Variants in ABL1 observed in about 807,000 individuals in gnomAD.
The protein encoded by ABL1 is ABL proto-oncogene 1, non-receptor tyrosine kinase, also known as tyrosine-protein kinase ABL1.
ABL1 carries 11 observed loss-of-function variants against 94.7 expected under a neutral mutation model. The ratio of observed to expected loss-of-function variants is 0.12; its 90% CI spans 0.07 to 0.19. ABL1 has a LOEUF of 0.19. ABL1 is among the 10% of genes least tolerant of loss of function. The probability of loss-of-function intolerance (pLI) is 1.00; values close to 1 mark genes in which losing one functional copy is unlikely to be tolerated. For synonymous variants in ABL1, 656 were observed against 622.4 expected, an observed-to-expected ratio of 1.05 and a Z score of -0.80; for missense variants, 1,082 against 1,489.4, an observed-to-expected ratio of 0.73 and a Z score of 4.50.
At chr9:130,855,639 A>C (rs1588269488) in intron 3 of ABL1, among the ~76,000 whole-genome samples, 1 of 152,238 alleles carries the variant, frequency 6.6e-6, no homozygotes, top group East Asian at 1.9e-4. Flanking sequence ...CCAAACCCAA[A>C]GTGTGGTGTT....
intron 1 of ABL1, among the ~76,000 whole-genome samples, chr9:130,717,661 A>G (rs1236739711): frequency 7.0e-6 from 1 of 142,298 alleles, no homozygotes; most frequent in Non-Finnish European, 1.5e-5. Flanking sequence ...CTGGGGGGTA[A>G]AAAAAAAAAA....
intron 10 of ABL1, among the ~76,000 whole-genome samples, chr9:130,881,522 T>G (rs761540206): frequency 2.0e-5 from 3 of 152,178 alleles, no homozygotes; most frequent in Non-Finnish European, 4.4e-5. Context: ...GGAAGTCCGC[T>G]TTATAAAACC....
At chr9:130,837,812 T>G (rs1052740392) in intron 1 of ABL1, among the ~76,000 whole-genome samples, 1 of 152,242 alleles carries the variant, frequency 6.6e-6, no homozygotes, top group African/African-American at 2.4e-5. Flanking sequence ...CTTTCCACTT[T>G]CACTGACAGC....
chr9:130,730,955 T>C (rs543328871), intron 1 of ABL1, among the ~76,000 whole-genome samples: 1 of 152,018 alleles, frequency 6.6e-6, no homozygotes, highest in East Asian at 1.9e-4. Flanking sequence ...TTTCACTCTT[T>C]ATTTACATAA....
chr9:130,725,834 T>TGTTTTG (rs1564269486), intron 1 of ABL1, among the ~76,000 whole-genome samples: 1 of 92,700 alleles, frequency 1.1e-5, no homozygotes, highest in African/African-American at 5.5e-5. Flanking sequence ...GTTTTTTTTT[T>TGTTTTG]TTTTTTTTTT....
chr9:130,865,180 C>G (rs766906351), intron 4 of ABL1, among the ~76,000 whole-genome samples: 23 of 152,128 alleles, frequency 1.5e-4, no homozygotes, highest in Non-Finnish European at 3.2e-4. Context: ...TAATTTTTCC[C>G]AAGAGCCTAA....
chr9:130,835,338 GGCGGGGCCGGGGGCGCCGGGGGGGCGC>G lies in ABL1; in HGVS notation c.-103_-77del. On this transcript the variant is annotated 5_prime_UTR_variant, in exon 1 of 11. Coordinates refer to ENST00000318560, the MANE Select transcript of ABL1 (RefSeq NM_005157.6). The surrounding 1 kb of genome is among the most constrained non-coding windows in gnomAD (Gnocchi z 4.6). ...GCGCGGGGCGGCGGTGAGGGCGGCT[GGCGGGGCCGGGGGCGCCGGGGGGGCGC>G]GCGGGCCGAGCCGGGCCTGAGCCGG... 1 of 297,028 alleles carries G rather than the reference GGCGGGGCCGGGGGCGCCGGGGGGGCGC, an allele frequency of 3.4e-6. No homozygotes were observed. Among genetic ancestry groups the G allele is most frequent in the Non-Finnish European group, 3.8e-6 (1 of 263,014 alleles). The allele number at this position is 297,028 out of a possible 1,614,324, so 18.4% of individuals were successfully genotyped here.
intron 1 of ABL1, among the ~76,000 whole-genome samples, chr9:130,818,854 G>C (rs376289576): frequency 9.9e-5 from 15 of 152,196 alleles, no homozygotes; most frequent in Admixed American, 4.6e-4. Flanking sequence ...TAAAAAGGAA[G>C]ATTCTTTCAC....
At chr9:130,786,697 C>T (rs1172596150) in intron 1 of ABL1, among the ~76,000 whole-genome samples, 1 of 152,168 alleles carries the variant, frequency 6.6e-6, no homozygotes, top group Non-Finnish European at 1.5e-5. Context: ...TTTCCTCCTC[C>T]TTCCCTAGTG....
rs1830568155 is a variant in ABL1 at position 130,835,751 on chromosome 9, T to TTTTGTC, written c.79+229_79+230insGTCTTT. ...CTTTTCTCTTCTCTTGTCTCTCTCT[T>TTTTGTC]TTTCTCTCTCTCTGTCTCTTTCTCT... On this transcript the variant is annotated intron_variant, in intron 1 of 10. Transcript: ENST00000318560. This position sits in a 1 kb window ranked among gnomAD's most constrained non-coding sequence, Gnocchi z 4.6. Among the ~76,000 whole-genome samples the TTTTGTC allele has an allele frequency of 6.6e-6, 1 of 151,664 alleles. No individual in the cohort carries two copies. Among genetic ancestry groups the TTTTGTC allele is most frequent in the African/African-American group, 2.4e-5 (1 of 41,238 alleles).
intron 4 of ABL1, among the ~76,000 whole-genome samples, chr9:130,870,551 G>C (rs988602144): frequency 6.6e-6 from 1 of 152,178 alleles, no homozygotes; most frequent in Non-Finnish European, 1.5e-5. Flanking sequence ...GGCGTTCACT[G>C]TCCAGCCTTT....
At chr9:130,750,410 TCC>T (rs1831946027) in intron 1 of ABL1, among the ~76,000 whole-genome samples, 1 of 14,538 alleles carries the variant, frequency 6.9e-5, no homozygotes, top group African/African-American at 2.3e-4. Context: ...CCTCCCTCCC[TCC>T]CTCCCTCCCT....
chr9:130,756,737 T>C lies in ABL1; in HGVS notation c.136+42282T>C, dbSNP rs566072746. Reference sequence around the variant, plus strand: ...ACAGCGTCAGCCTGACACTGGCCTTTGCAGCATCAGCCTTGGTTGACTGTG... The same window carrying C: ...ACAGCGTCAGCCTGACACTGGCCTTCGCAGCATCAGCCTTGGTTGACTGTG... On this transcript the variant is annotated intron_variant, in intron 1 of 10. Coordinates refer to the ABL1 transcript ENST00000372348. 2.6e-5 allele frequency among the ~76,000 whole-genome samples: 4 copies of C among 152,330 alleles called. No individual in the cohort carries two copies. In the South Asian group the frequency reaches 8.3e-4, roughly 32 times the overall value.
chr9:130,739,465 AT>A (rs1831789728), intron 1 of ABL1, among the ~76,000 whole-genome samples: 1 of 151,984 alleles, frequency 6.6e-6, no homozygotes, highest in African/African-American at 2.4e-5. Flanking sequence ...TTTAAGCTTT[AT>A]TATTTATTAT....
chr9:130,830,847 C>G (rs948793888), upstream of ABL1, among the ~76,000 whole-genome samples: 1 of 152,130 alleles, frequency 6.6e-6, no homozygotes, highest in Non-Finnish European at 1.5e-5. Context: ...AAGTCGTTGC[C>G]CATGGCCCCA....
chr9:130,856,419 G>A (rs1360752179), intron 3 of ABL1, among the ~76,000 whole-genome samples: 3 of 152,014 alleles, frequency 2.0e-5, no homozygotes, highest in African/African-American at 2.4e-5. Context: ...ACAGGGTCTC[G>A]CCATGTCGCC....
At chr9:130,791,841 T>A (rs1429181677) in intron 1 of ABL1, among the ~76,000 whole-genome samples, 1 of 152,194 alleles carries the variant, frequency 6.6e-6, no homozygotes, top group East Asian at 1.9e-4. Flanking sequence ...CGTGGGACTT[T>A]GCCTTGTAAT....
In ABL1 at chr9:130,806,055, G is replaced by A. The variant is rs76913860; in HGVS notation, c.137-48009G>A. Among the ~76,000 whole-genome samples, 152 of 152,326 alleles carry A rather than the reference G, an allele frequency of 1.0e-3. 1 individual carries two copies. The highest frequency in any genetic ancestry group is 3.4e-3 in the Middle Eastern group (1 of 294). On this transcript the variant is annotated intron_variant, in intron 1 of 10. Transcript: ENST00000372348. ...GAAGAAAGCAGGTGTCTGGCCCAGA[G>A]GACCAGATTAAGAAGACCCCATGAG...
At chr9:130,727,751 G>A (rs929659282) in intron 1 of ABL1, among the ~76,000 whole-genome samples, 3 of 88,206 alleles carry the variant, frequency 3.4e-5, no homozygotes, top group African/African-American at 7.3e-5. Context: ...GTGAGACACC[G>A]CCCCCCCCCC....
Sources: allele counts gnomAD v4.1 joint callset (sites outside exome capture counted in the v4.1 genomes callset), GRCh38; gene constraint gnomAD v4.1.1; non-coding constraint Gnocchi (gnomAD v3.1); transcripts MANE v1.5; gene names NCBI Gene and HGNC (gene_info 2026-07-23, HGNC 2026-07-21).